SYNDIG1L: variants seen among roughly 807,000 people sequenced by gnomAD.
SYNDIG1L encodes the protein synapse differentiation-inducing gene protein 1-like.
SYNDIG1L carries 13 observed loss-of-function variants against 20.1 expected under a neutral mutation model. The observed-to-expected ratio is 0.65, with a 90% CI of 0.42 to 1.03. SYNDIG1L has a LOEUF of 1.03. Ranked by LOEUF, SYNDIG1L falls within the 50% of genes least tolerant of loss-of-function variation. The pLI, the probability that SYNDIG1L is intolerant of heterozygous loss-of-function variation, is 0.00. For synonymous variants in SYNDIG1L, 128 were observed against 129.3 expected (o/e 0.99, Z 0.07); for missense variants, 294 against 305.1 (o/e 0.96, Z 0.27).
At chr14:74,431,479 G>A in the SYNDIG1L span, among the ~76,000 whole-genome samples, 1 of 152,174 alleles carries the variant, frequency 6.6e-6, no homozygotes, top group African/African-American at 2.4e-5. Flanking sequence ...CATTTTGACT[G>A]TCTACTCTGT....
chr14:74,409,695 G>T lies in SYNDIG1L; in HGVS notation c.50C>A (p.Ala17Asp). 1 of 1,474,806 alleles carries T rather than the reference G, an allele frequency of 6.8e-7. No individual in the cohort carries two copies. Among genetic ancestry groups the T allele is most frequent in the Non-Finnish European group, 9.0e-7 (1 of 1,112,152 alleles). The allele number at this position is 1,474,806 out of a possible 1,614,324, so 91.4% of individuals were successfully genotyped here. A position where few individuals can be genotyped will look rare whatever the true frequency, so the allele number is the denominator to read the frequency against. ...LQNPLLPRSP[A>D]HLHGPYPYPE... is the part of the protein sequence containing the mutation. ...GTAGGGATAGGGGCCATGGAGATGGGCAGGGCTCCTGGGCAGCAGCGGGTT... is the reference window on the plus strand; with the variant it reads ...GTAGGGATAGGGGCCATGGAGATGGTCAGGGCTCCTGGGCAGCAGCGGGTT... Residue 17 changes from alanine to aspartate, a missense_variant, in exon 2 of 4, where the codon GCC becomes GAC. Physicochemically the swap from Ala to Asp is moderately radical, Grantham distance 126. Transcript: ENST00000331628.
the SYNDIG1L span, among the ~76,000 whole-genome samples, chr14:74,466,893 C>T: frequency 6.6e-6 from 1 of 152,180 alleles, no homozygotes; most frequent in African/African-American, 2.4e-5. Flanking sequence ...AGGGGCGACA[C>T]CAGAATTAAC....
the SYNDIG1L span, among the ~76,000 whole-genome samples, chr14:74,441,306 G>A: frequency 3.3e-5 from 5 of 152,142 alleles, no homozygotes; most frequent in Non-Finnish European, 7.3e-5. Flanking sequence ...AAAAAGTTTG[G>A]AAGCACTGCT....
At chr14:74,448,566 C>T in the SYNDIG1L span, among the ~76,000 whole-genome samples, 1 of 152,054 alleles carries the variant, frequency 6.6e-6, no homozygotes, top group Non-Finnish European at 1.5e-5. Context: ...AATACAGCAA[C>T]CTCTTCTATA....
intron 1 of SYNDIG1L, among the ~76,000 whole-genome samples, chr14:74,422,823 T>C (rs2086234170): frequency 6.6e-6 from 1 of 151,576 alleles, no homozygotes; most frequent in Non-Finnish European, 1.5e-5. Context: ...AAGTGATTCA[T>C]GCCTCAGCCT....
chr14:74,449,938 A>G, the SYNDIG1L span, among the ~76,000 whole-genome samples: 1 of 152,148 alleles, frequency 6.6e-6, no homozygotes, highest in Non-Finnish European at 1.5e-5. Flanking sequence ...AATAAAACCA[A>G]ATGATAGTTC....
intron 2 of SYNDIG1L, 119 bp from the exon 3 acceptor site, chr14:74,408,108 C>T: frequency 1.6e-6 from 2 of 1,264,252 alleles, no homozygotes; most frequent in Middle Eastern, 2.0e-4. Context: ...CAAGCAGTCT[C>T]TTCTGCCGCA....
Position 74,424,399 on chromosome 14 carries a change from C to T in SYNDIG1L, c.-58+1513G>A, listed in dbSNP as rs143077334. Among the ~76,000 whole-genome samples the T allele has an allele frequency of 2.4e-3, 365 of 151,962 alleles. 1 individual carries two copies. Among genetic ancestry groups the T allele is most frequent in the African/African-American group, 6.0e-3 (250 of 41,408 alleles). Reference sequence around the variant, plus strand: ...ATTCCCTCATTTTACACCCGATTACCGAGTCCTTACTATCTTCCAGGTGCT... The same window carrying T: ...ATTCCCTCATTTTACACCCGATTACTGAGTCCTTACTATCTTCCAGGTGCT... On this transcript the variant is annotated intron_variant, in intron 1 of 3. Transcript: ENST00000331628.
intron 2 of SYNDIG1L, among the ~76,000 whole-genome samples, chr14:74,408,563 C>CAAAAAAA (rs758108537): frequency 1.5e-5 from 1 of 66,194 alleles, no homozygotes; most frequent in African/African-American, 5.1e-5. Context: ...GACTCCATCT[C>CAAAAAAA]AAAAAAAAAA....
intron 1 of SYNDIG1L, among the ~76,000 whole-genome samples, chr14:74,425,648 A>C (rs1488660634): frequency 2.0e-5 from 3 of 152,198 alleles, no homozygotes; most frequent in Non-Finnish European, 1.5e-5. Context: ...CAGGATGTCT[A>C]GGAGCTGCCT....
the SYNDIG1L span, among the ~76,000 whole-genome samples, chr14:74,477,225 A>G: frequency 6.6e-6 from 1 of 151,148 alleles, no homozygotes; most frequent in Non-Finnish European, 1.5e-5. Flanking sequence ...TCCTTGGGAA[A>G]AACACTTGTT....
At chr14:74,476,594 T>C in the SYNDIG1L span, 1 of 1,534,602 alleles carries the variant, frequency 6.5e-7, no homozygotes, top group East Asian at 2.4e-5. Flanking sequence ...TGGGAACATC[T>C]GCAGAAAGTA....
the SYNDIG1L span, among the ~76,000 whole-genome samples, chr14:74,471,741 T>C: frequency 5.0e-3 from 764 of 152,304 alleles, 4 homozygotes; most frequent in Non-Finnish European, 8.1e-3. Context: ...ACTATAGGAA[T>C]GGTGGGTGGT....
the SYNDIG1L span, chr14:74,476,653 C>T: frequency 1.5e-6 from 2 of 1,316,148 alleles, no homozygotes; most frequent in Non-Finnish European, 2.1e-6. Context: ...TGGCCGGATC[C>T]ACTCACCCAC....
the SYNDIG1L span, among the ~76,000 whole-genome samples, chr14:74,442,054 G>A: frequency 4.6e-5 from 7 of 152,076 alleles, no homozygotes; most frequent in Admixed American, 6.6e-5. Context: ...TAACCTCTCC[G>A]AACCTTAATT....
the SYNDIG1L span, among the ~76,000 whole-genome samples, chr14:74,449,482 T>C: frequency 2.4e-5 from 2 of 82,382 alleles, no homozygotes; most frequent in African/African-American, 4.4e-5. Context: ...CAAAATGGCA[T>C]GTACCCATAG....
At chr14:74,462,572 C>T in the SYNDIG1L span, among the ~76,000 whole-genome samples, 1 of 150,548 alleles carries the variant, frequency 6.6e-6, no homozygotes, top group African/African-American at 2.5e-5. Flanking sequence ...ATGGTATGAT[C>T]ATGGCTCACT....
At position 74,426,000 on chromosome 14, in the gene SYNDIG1L, G is replaced by A. The variant is rs1178062786; in HGVS notation, c.-146C>T. On this transcript the variant is annotated 5_prime_UTR_variant, in exon 1 of 4. Transcript: ENST00000331628. Reference sequence around the variant, plus strand: ...GCGACGGCGCCCCCGCCTCGCGGTCGCGGTGGAACTCCCAGGAGGGCTCCC... The same window carrying A: ...GCGACGGCGCCCCCGCCTCGCGGTCACGGTGGAACTCCCAGGAGGGCTCCC... 6.6e-6 allele frequency: 1 copy of A among 152,670 alleles called. No individual in the cohort carries two copies. The highest frequency in any genetic ancestry group is 6.6e-5 in the Admixed American group (1 of 15,248). The allele number at this position is 152,670 out of a possible 1,614,324, so 9.5% of individuals were successfully genotyped here.
chr14:74,437,915 T>TGACC, the SYNDIG1L span, among the ~76,000 whole-genome samples: 1 of 152,192 alleles, frequency 6.6e-6, no homozygotes, highest in African/African-American at 2.4e-5. Context: ...GCCACGTTCT[T>TGACC]CTGCCCCCAC....
Sources: gnomAD v4.1 joint callset for allele counts (sites outside exome capture counted in the v4.1 genomes callset) on GRCh38, gnomAD v4.1.1 for gene constraint, MANE v1.5 for transcripts, NCBI Gene and HGNC (gene_info 2026-07-23, HGNC 2026-07-21) for gene names.